Variants in ANKRD30BL observed in about 807,000 individuals in gnomAD.
The protein encoded by ANKRD30BL is ankyrin repeat domain 30B like.
A neutral mutation model predicts 18.4 loss-of-function variants in ANKRD30BL; 20 were observed. The ratio of observed to expected loss-of-function variants is 1.09; its 90% CI spans 0.77 to 1.58. The LOEUF (loss-of-function observed/expected upper bound fraction) is 1.58. ANKRD30BL is among the 40% of genes most tolerant of loss of function. ANKRD30BL has a pLI of 0.00. For synonymous variants in ANKRD30BL, 72 were observed against 100.9 expected (o/e 0.71, Z 1.72); for missense variants, 224 against 268.6 (o/e 0.83, Z 1.16).
chr2:132,155,780 T>C (rs1322483935), intron 3 of ANKRD30BL: 1 of 151,484 alleles, frequency 6.6e-6, no homozygotes, highest in East Asian at 2.0e-4. Flanking sequence ...CATGCCTGTG[T>C]CCCAGCTACT....
intron 1 of ANKRD30BL, among the ~76,000 whole-genome samples, chr2:132,232,795 G>A (rs575799728): frequency 0.011 from 1,690 of 152,196 alleles, 12 homozygotes; most frequent in Non-Finnish European, 0.018. Context: ...CCCCAATCTA[G>A]CAAGGCAGGC....
chr2:132,209,824 G>A (rs895288005), intron 1 of ANKRD30BL, among the ~76,000 whole-genome samples: 7 of 151,126 alleles, frequency 4.6e-5, no homozygotes, highest in African/African-American at 9.7e-5. Flanking sequence ...TATTTGGAGC[G>A]TTTTGAGGCC....
chr2:132,218,880 C>A (rs964363051), intron 1 of ANKRD30BL, among the ~76,000 whole-genome samples: 1 of 152,106 alleles, frequency 6.6e-6, no homozygotes, highest in African/African-American at 2.4e-5. Flanking sequence ...TTAAACCTTT[C>A]TTTTGATAGA....
At chr2:132,194,053 T>TCA (rs1678912777) in intron 1 of ANKRD30BL, among the ~76,000 whole-genome samples, 1 of 108,898 alleles carries the variant, frequency 9.2e-6, no homozygotes, top group Non-Finnish European at 1.7e-5. Context: ...TCTCTCTCTC[T>TCA]CTCACACACA....
chr2:132,198,324 C>CTTTTT (rs773252461), intron 1 of ANKRD30BL, among the ~76,000 whole-genome samples: 11 of 16,810 alleles, frequency 6.5e-4, no homozygotes, highest in East Asian at 2.6e-3. Flanking sequence ...TTCTTTCTTT[C>CTTTTT]TTTTTTTTTT....
chr2:132,215,190 A>T (rs1400746400), intron 1 of ANKRD30BL, among the ~76,000 whole-genome samples: 2 of 152,202 alleles, frequency 1.3e-5, no homozygotes, highest in African/African-American at 4.8e-5. Flanking sequence ...TCTTCACATA[A>T]GCACTAGACA....
chr2:132,196,675 A>C (rs2104742937), intron 1 of ANKRD30BL, among the ~76,000 whole-genome samples: 1 of 151,932 alleles, frequency 6.6e-6, no homozygotes, highest in Non-Finnish European at 1.5e-5. Flanking sequence ...AATTCCAGCC[A>C]CTCAGGAGGC....
chr2:132,166,741 T>C (rs1429305669), upstream of ANKRD30BL, among the ~76,000 whole-genome samples: 4 of 152,218 alleles, frequency 2.6e-5, no homozygotes, highest in African/African-American at 9.6e-5. Context: ...ATGGATCTTT[T>C]CAAAGAAACA....
intron 1 of ANKRD30BL, among the ~76,000 whole-genome samples, chr2:132,246,780 T>C (rs1330060114): frequency 6.6e-6 from 1 of 152,014 alleles, no homozygotes. Context: ...TTGAGCTCTT[T>C]GAGGGCTATG....
intron 1 of ANKRD30BL, among the ~76,000 whole-genome samples, chr2:132,168,314 C>G (rs1353240427): frequency 1.3e-5 from 2 of 152,020 alleles, no homozygotes; most frequent in Non-Finnish European, 2.9e-5. Flanking sequence ...TGTTTGCTTT[C>G]TTGTGAAATT....
At chr2:132,187,799 C>T (rs1380130953) in intron 1 of ANKRD30BL, among the ~76,000 whole-genome samples, 3 of 150,714 alleles carry the variant, frequency 2.0e-5, no homozygotes, top group Admixed American at 2.0e-4. Context: ...GCTCTTGTCG[C>T]ACAGGCTGGA....
intron 4 of ANKRD30BL, among the ~76,000 whole-genome samples, chr2:132,151,766 GA>G (rs911561463): frequency 6.6e-6 from 1 of 151,696 alleles, no homozygotes; most frequent in Non-Finnish European, 1.5e-5. Context: ...ATTTTGTAAT[GA>G]AATATATTTA....
chr2:132,226,939 C>T (rs1392811286), intron 1 of ANKRD30BL, among the ~76,000 whole-genome samples: 1 of 150,418 alleles, frequency 6.6e-6, no homozygotes, highest in Non-Finnish European at 1.5e-5. Flanking sequence ...AGAGTTAAAC[C>T]TTTGTTTTGA....
rs1393717826 is a variant in ANKRD30BL, at chr2:132,233,175, C to T, written n.441+24354G>A. On this transcript the variant is annotated intron_variant and non_coding_transcript_variant, in intron 1 of 4. Coordinates refer to the ANKRD30BL transcript ENST00000470729. ...CCACCAGGCCTGCCCTAAAAGAGCT[C>T]CTGAAGGAAGCACTAAACATGGAAA... is the stretch of plus-strand genomic sequence containing the variant. Among the ~76,000 whole-genome samples the T allele has an allele frequency of 1.4e-3, 207 of 151,524 alleles. 1 individual carries two copies. Among genetic ancestry groups the T allele is most frequent in the African/African-American group, 4.8e-3 (199 of 41,390 alleles).
intron 1 of ANKRD30BL, among the ~76,000 whole-genome samples, chr2:132,240,525 C>T (rs1680287004): frequency 6.6e-6 from 1 of 151,830 alleles, no homozygotes; most frequent in Admixed American, 6.6e-5. Context: ...TTCTCAGAAA[C>T]TTCCTTTTGA....
At chr2:132,237,437 C>T (rs572802575) in intron 1 of ANKRD30BL, among the ~76,000 whole-genome samples, 1,669 of 151,944 alleles carry the variant, frequency 0.011, 30 homozygotes, top group African/African-American at 0.038. Flanking sequence ...TCGTTGGAAA[C>T]GGGAATATCT....
chr2:132,257,077 C>A, intron 1 of ANKRD30BL: 1 of 464,396 alleles, frequency 2.2e-6, no homozygotes, highest in Non-Finnish European at 4.3e-6. Context: ...CGGCCCTCGG[C>A]ACCACCGAGA....
At chr2:132,206,863 C>T (rs910363252) in intron 1 of ANKRD30BL, among the ~76,000 whole-genome samples, 35 of 152,290 alleles carry the variant, frequency 2.3e-4, no homozygotes, top group Admixed American at 7.2e-4. Context: ...TCCTTTCTTG[C>T]TTCTTCTAGC....
At chr2:132,202,728 C>A (rs1007495452) in intron 1 of ANKRD30BL, among the ~76,000 whole-genome samples, 15 of 152,022 alleles carry the variant, frequency 9.9e-5, no homozygotes, top group African/African-American at 3.6e-4. Flanking sequence ...TATATATTTG[C>A]GTACACACAC....
Sources: allele counts gnomAD v4.1 joint callset (sites outside exome capture counted in the v4.1 genomes callset), GRCh38; gene constraint gnomAD v4.1.1; transcripts MANE v1.5; gene names NCBI Gene and HGNC (gene_info 2026-07-23, HGNC 2026-07-21).